CTPS2: variants seen among roughly 807,000 people sequenced by gnomAD.
CTPS2 encodes CTP synthase 2.
CTPS2 carries 19 observed loss-of-function variants against 46.8 expected under a neutral mutation model. The observed-to-expected ratio is 0.41, with a 90% CI of 0.28 to 0.60. The LOEUF is 0.60. Among genes scored for constraint, CTPS2 ranks in the 20% least tolerant of loss-of-function variants. CTPS2 has a pLI of 0.35. For missense variants in CTPS2, 286 were observed against 447.6 expected (o/e 0.64, Z 3.26); for synonymous variants, 151 against 165.2 (o/e 0.91, Z 0.66).
At chrX:16,698,476 C>T (rs1313549939) in intron 3 of CTPS2, 140 bp from the exon 4 acceptor site, 8 of 451,886 alleles carry the variant, frequency 1.8e-5, no homozygotes, top group Non-Finnish European at 3.1e-5. Context: ...AAAAACGCAA[C>T]AATTTTAAAA....
chrX:16,638,714 C>A (rs1931890465), intron 14 of CTPS2: 1 of 285,738 alleles, frequency 3.5e-6, no homozygotes, highest in East Asian at 9.0e-5. Context: ...TGCCCTCCTA[C>A]TCGGAAGTTC....
At chrX:16,677,474 G>T (rs969389066) in intron 10 of CTPS2, among the ~76,000 whole-genome samples, 1 of 111,179 alleles carries the variant, frequency 9.0e-6, no homozygotes, top group Non-Finnish European at 1.9e-5. Context: ...AGTTACAGAA[G>T]ATGGAGCTTT....
chrX:16,629,283 C>T (rs922613462), intron 14 of CTPS2, among the ~76,000 whole-genome samples: 17 of 112,553 alleles, frequency 1.5e-4, no homozygotes, highest in African/African-American at 5.2e-4. Context: ...CACGCTTTAG[C>T]GAATGGTTTC....
chrX:16,702,720 G>A lies in CTPS2; in HGVS notation c.166+17C>T. The A allele has an allele frequency of 8.3e-7, 1 of 1,201,076 alleles. No homozygotes were observed. The highest frequency in any genetic ancestry group is 1.8e-5 in the South Asian group (1 of 56,364). ...TTGAGCCTAGTGCTATAAGGGGGAA[G>A]TGGTTCACTTTCGTACCGTGTTCAT... On this transcript the variant is annotated intron_variant, in intron 2 of 18. Transcript: ENST00000359276.
At chrX:16,611,539 A>G (rs1374227794) in intron 16 of CTPS2, among the ~76,000 whole-genome samples, 6 of 107,047 alleles carry the variant, frequency 5.6e-5, no homozygotes, top group Non-Finnish European at 9.7e-5. Flanking sequence ...AAAAAAAAAA[A>G]GCTCTGCTAT....
intron 13 of CTPS2, among the ~76,000 whole-genome samples, chrX:16,664,502 G>A (rs183407338): frequency 4.5e-4 from 50 of 111,546 alleles, no homozygotes; most frequent in African/African-American, 1.6e-3. Context: ...CCAGCATACA[G>A]TGTTAAGCGA....
chrX:16,609,779 T>C, intron 16 of CTPS2, 94 bp from the exon 17 acceptor site: 1 of 902,515 alleles, frequency 1.1e-6, no homozygotes, highest in Non-Finnish European at 1.5e-6. Context: ...ACTCATTAAA[T>C]GGTAAGATGA....
At chrX:16,602,363 T>C (rs1000675786) in intron 17 of CTPS2, among the ~76,000 whole-genome samples, 1 of 110,616 alleles carries the variant, frequency 9.0e-6, no homozygotes, top group Non-Finnish European at 1.9e-5. Flanking sequence ...GTAAGGAAAC[T>C]ACAAAGTGGT....
chrX:16,639,813 GAAAGAAAGAAAGAAAGAAGAA>G (rs1674683567), intron 13 of CTPS2, among the ~76,000 whole-genome samples: 2 of 103,358 alleles, frequency 1.9e-5, no homozygotes, highest in African/African-American at 7.1e-5. Flanking sequence ...AAGAAAGAAA[GAAAGAAAGAAAGAAAGAAGAA>G]AAGAAAAGGA....
intron 1 of CTPS2, among the ~76,000 whole-genome samples, chrX:16,706,616 T>G (rs920259133): frequency 9.0e-6 from 1 of 111,075 alleles, no homozygotes; most frequent in Admixed American, 9.7e-5. Flanking sequence ...ATCCCAGCAC[T>G]TTGGGAGGCC....
intron 16 of CTPS2, among the ~76,000 whole-genome samples, chrX:16,614,317 G>A (rs1204070411): frequency 8.9e-6 from 1 of 111,872 alleles, no homozygotes; most frequent in Non-Finnish European, 1.9e-5. Context: ...CCTGGACAAG[G>A]ATATTGATGA....
rs769834932 is a variant in CTPS2, at chrX:16,663,960, C to T, written c.1296+3554G>A. On this transcript the variant is annotated intron_variant, in intron 13 of 18. Transcript: ENST00000359276. ...ACGCCATTCTCCTGCCTCAGCCTCCCGAGTAGCTGGGACTACAGGCGCGTG... is the reference window on the plus strand; with the variant it reads ...ACGCCATTCTCCTGCCTCAGCCTCCTGAGTAGCTGGGACTACAGGCGCGTG... Among the ~76,000 whole-genome samples the T allele has an allele frequency of 3.6e-5, 4 of 111,032 alleles. No homozygotes were observed. In the Admixed American group the frequency reaches 3.8e-4, roughly 11 times the overall value.
chrX:16,710,375 C>T (rs772101480), intron 1 of CTPS2, among the ~76,000 whole-genome samples: 62 of 112,035 alleles, frequency 5.5e-4, no homozygotes, highest in Non-Finnish European at 8.6e-4. Flanking sequence ...CTGAAGGCTC[C>T]CATGTCACAT....
At chrX:16,595,300 A>G (rs1209703460) in intron 17 of CTPS2, among the ~76,000 whole-genome samples, 1 of 111,399 alleles carries the variant, frequency 9.0e-6, no homozygotes, top group Non-Finnish European at 1.9e-5. Context: ...ATTTGAAGAG[A>G]GGAAATTTTT....
At chrX:16,681,599 G>A (rs1176597407) in intron 9 of CTPS2, among the ~76,000 whole-genome samples, 2 of 111,515 alleles carry the variant, frequency 1.8e-5, no homozygotes, top group African/African-American at 3.3e-5. Context: ...AGGCTGGAGT[G>A]CAGTGGCGCA....
chrX:16,679,046 G>A (rs1217385488), intron 9 of CTPS2, among the ~76,000 whole-genome samples: 1 of 110,358 alleles, frequency 9.1e-6, no homozygotes, highest in African/African-American at 3.3e-5. Flanking sequence ...GACAAAGAGA[G>A]GAGGGGAGAA....
intron 4 of CTPS2, 139 bp from the exon 5 acceptor site, chrX:16,693,626 C>T: frequency 4.2e-6 from 2 of 474,068 alleles, no homozygotes; most frequent in Non-Finnish European, 7.3e-6. Context: ...TAAATACGTT[C>T]AAAATCACTA....
intron 15 of CTPS2, 87 bp downstream of exon 15, chrX:16,620,190 C>A (rs889761047): frequency 1.3e-6 from 1 of 788,571 alleles, no homozygotes; most frequent in Non-Finnish European, 1.9e-6. Flanking sequence ...CCAGGCTAGA[C>A]ACCTTTTCCA....
intron 8 of CTPS2, among the ~76,000 whole-genome samples, chrX:16,689,005 G>A (rs959550877): frequency 3.6e-5 from 4 of 110,846 alleles, no homozygotes; most frequent in Non-Finnish European, 7.6e-5. Flanking sequence ...AGGCTGAAGT[G>A]GGAGGATGAC....
Sources: gnomAD v4.1 joint callset for allele counts (sites outside exome capture counted in the v4.1 genomes callset) on GRCh38, gnomAD v4.1.1 for gene constraint, MANE v1.5 for transcripts, NCBI Gene and HGNC (gene_info 2026-07-23, HGNC 2026-07-21) for gene names.